COL4A1: variants seen among roughly 807,000 people sequenced by gnomAD.
The protein encoded by COL4A1 is collagen type IV alpha 1 chain.
COL4A1 carries 40 observed loss-of-function variants against 216.6 expected under a neutral mutation model. That is an observed-to-expected ratio of 0.18 (90% CI 0.14 to 0.24). The LOEUF (loss-of-function observed/expected upper bound fraction) is 0.24, where lower values mean the gene tolerates loss of function less well. Ranked by LOEUF, COL4A1 falls within the 10% of genes least tolerant of loss-of-function variation. The pLI, the probability that COL4A1 is intolerant of heterozygous loss-of-function variation, is 1.00. For missense variants in COL4A1, 1,628 were observed against 2,196.8 expected, an observed-to-expected ratio of 0.74 and a Z score of 5.18; for synonymous variants, 839 against 810.7, an observed-to-expected ratio of 1.03 and a Z score of -0.59.
intron 46 of COL4A1, among the ~76,000 whole-genome samples, chr13:110,164,649 G>A (rs539765323): frequency 3.4e-4 from 51 of 150,374 alleles, no homozygotes; most frequent in Non-Finnish European, 5.7e-4. Flanking sequence ...TGTTCCTCTA[G>A]CTTTTCCTGG....
At chr13:110,280,864 T>C (rs1353602581) in intron 1 of COL4A1, among the ~76,000 whole-genome samples, 16 of 152,196 alleles carry the variant, frequency 1.1e-4, no homozygotes, top group Non-Finnish European at 2.9e-5. Context: ...ACATCCGAGA[T>C]CTGGCTGAAG....
At chr13:110,306,510 GGA>G (rs1884716607) in intron 1 of COL4A1, among the ~76,000 whole-genome samples, 1 of 152,202 alleles carries the variant, frequency 6.6e-6, no homozygotes, top group Non-Finnish European at 1.5e-5. Context: ...CCAGGGGCTA[GGA>G]GCTCGGAGCT....
chr13:110,246,259 T>C (rs1371472807), intron 1 of COL4A1, among the ~76,000 whole-genome samples: 3 of 152,100 alleles, frequency 2.0e-5, no homozygotes, highest in African/African-American at 4.8e-5. Flanking sequence ...ACTATTCTGG[T>C]CCTTTCTGTC....
At chr13:110,220,986 C>T (rs1880451957) in intron 2 of COL4A1, among the ~76,000 whole-genome samples, 2 of 152,300 alleles carry the variant, frequency 1.3e-5, no homozygotes, top group African/African-American at 2.4e-5. Flanking sequence ...CTGTGCTCAG[C>T]GAAAGCCTGC....
At chr13:110,179,476 A>G (rs1566353876) in intron 29 of COL4A1, 55 bp from the exon 30 acceptor site, 3 of 1,612,866 alleles carry the variant, frequency 1.9e-6, no homozygotes, top group Non-Finnish European at 1.7e-6. Context: ...CAGTATTTTT[A>G]TCAAACCAAT....
At chr13:110,182,440 CAGA>C (rs1399809016) in intron 28 of COL4A1, among the ~76,000 whole-genome samples, 18 of 152,170 alleles carry the variant, frequency 1.2e-4, no homozygotes, top group Non-Finnish European at 2.9e-5. Flanking sequence ...CAGTCCTGAA[CAGA>C]AGGTCTGTGA....
chr13:110,204,173 C>A (rs909574071), intron 17 of COL4A1, among the ~76,000 whole-genome samples: 2 of 152,076 alleles, frequency 1.3e-5, no homozygotes, highest in African/African-American at 2.4e-5. Flanking sequence ...AAGAAATTAA[C>A]CCTTTCATAT....
At chr13:110,215,298 G>A (rs1253750198) in intron 2 of COL4A1, among the ~76,000 whole-genome samples, 2 of 152,162 alleles carry the variant, frequency 1.3e-5, no homozygotes, top group East Asian at 3.9e-4. Context: ...GCTCGCTCAT[G>A]CCTGTAATCC....
intron 1 of COL4A1, among the ~76,000 whole-genome samples, chr13:110,273,486 A>C (rs1018724450): frequency 6.6e-6 from 1 of 152,208 alleles, no homozygotes; most frequent in Non-Finnish European, 1.5e-5. Flanking sequence ...TCACCTAGTC[A>C]GGGAAGAAGT....
intron 15 of COL4A1, among the ~76,000 whole-genome samples, chr13:110,205,884 T>C (rs73611468): frequency 0.023 from 3,458 of 151,980 alleles, 122 homozygotes; most frequent in African/African-American, 0.08. Context: ...TATGTATATA[T>C]ATATAATAAC....
rs185057361 is a variant in COL4A1 at position 110,211,420 on chromosome 13, G to T, written c.468+227C>A. Reference sequence around the variant, plus strand: ...TCGCCACCACACCAGGCCTCCTTCCGCTGCTTATTCCCCATTAAGAAGCTG... The same window carrying T: ...TCGCCACCACACCAGGCCTCCTTCCTCTGCTTATTCCCCATTAAGAAGCTG... On this transcript the variant is annotated intron_variant, in intron 8 of 51. Transcript: ENST00000375820. The surrounding 1 kb of genome is among the most constrained non-coding windows in gnomAD (Gnocchi z 4.3). Among the ~76,000 whole-genome samples the T allele has an allele frequency of 4.4e-4, 67 of 152,294 alleles. No individual in the cohort carries two copies. The highest frequency in any genetic ancestry group is 1.3e-3 in the African/African-American group (54 of 41,562).
intron 41 of COL4A1, among the ~76,000 whole-genome samples, chr13:110,171,054 T>C (rs945817372): frequency 2.6e-5 from 4 of 152,364 alleles, no homozygotes; most frequent in Admixed American, 1.3e-4. Flanking sequence ...GCAACTGCAC[T>C]GCTAAACGAA....
intron 24 of COL4A1, among the ~76,000 whole-genome samples, chr13:110,189,017 T>C (rs1226723531): frequency 1.3e-5 from 2 of 152,184 alleles, no homozygotes; most frequent in Non-Finnish European, 2.9e-5. Context: ...AGTTCCTCCA[T>C]TACAGTGACT....
chr13:110,154,524 C>T (rs1194545678), intron 50 of COL4A1, among the ~76,000 whole-genome samples: 2 of 152,250 alleles, frequency 1.3e-5, no homozygotes, highest in African/African-American at 4.8e-5. Context: ...AATGTGTACT[C>T]CCCACGTGGA....
Position 110,183,386 on chromosome 13 carries a change from A to C in COL4A1, c.1898-110T>G, listed in dbSNP as rs528781005. The C allele has an allele frequency of 2.8e-5, 28 of 987,290 alleles. No homozygotes were observed. The African/African-American group carries it at 4.2e-4, about 15-fold the overall frequency. The allele number at this position is 987,290 out of a possible 1,614,324, so 61.2% of individuals were successfully genotyped here. On this transcript the variant is annotated intron_variant, in intron 26 of 51. Transcript: ENST00000375820. ...ACGCCACATCCTACCCAGCACCACGAGTGCCCGGAGAGCAGAGCCTCTGCC... is the reference window on the plus strand; with the variant it reads ...ACGCCACATCCTACCCAGCACCACGCGTGCCCGGAGAGCAGAGCCTCTGCC...
intron 1 of COL4A1, among the ~76,000 whole-genome samples, chr13:110,269,526 A>G (rs1277104651): frequency 6.6e-6 from 1 of 152,178 alleles, no homozygotes; most frequent in Non-Finnish European, 1.5e-5. Flanking sequence ...TATGATGATC[A>G]GTGTCAGAAA....
chr13:110,184,798 C>A (rs1878330064), intron 26 of COL4A1, among the ~76,000 whole-genome samples: 2 of 152,224 alleles, frequency 1.3e-5, no homozygotes, highest in South Asian at 2.1e-4. Flanking sequence ...GCAACCTCCG[C>A]CTCCTGGATT....
chr13:110,210,566 A>T (rs1879744712), intron 8 of COL4A1, among the ~76,000 whole-genome samples: 1 of 152,182 alleles, frequency 6.6e-6, no homozygotes, highest in Non-Finnish European at 1.5e-5. Context: ...CTCACAAAAC[A>T]AGAATTCTCT....
At chr13:110,214,061 C>T (rs775815660) in intron 2 of COL4A1, 46 bp from the exon 3 acceptor site, 2 of 1,532,736 alleles carry the variant, frequency 1.3e-6, no homozygotes, top group Non-Finnish European at 1.8e-6. Flanking sequence ...CAGTAAAGAA[C>T]AGAGGAAGGA....
Sources: allele counts gnomAD v4.1 joint callset (sites outside exome capture counted in the v4.1 genomes callset), GRCh38; gene constraint gnomAD v4.1.1; non-coding constraint Gnocchi (gnomAD v3.1); transcripts MANE v1.5; gene names NCBI Gene and HGNC (gene_info 2026-07-23, HGNC 2026-07-21).